The following IGSF11 variants were observed in gnomAD, a reference collection of about 807,000 sequenced individuals.
IGSF11 encodes the protein immunoglobulin superfamily member 11.
A neutral mutation model predicts 41.0 loss-of-function variants in IGSF11; 22 were observed. The observed-to-expected ratio is 0.54, with a 90% CI of 0.38 to 0.77. The LOEUF (loss-of-function observed/expected upper bound fraction) is 0.77, where lower values mean the gene tolerates loss of function less well. Ranked by LOEUF, IGSF11 falls within the 30% of genes least tolerant of loss-of-function variation. The pLI is 0.00. For missense variants in IGSF11, 444 were observed against 530.8 expected, an observed-to-expected ratio of 0.84 and a Z score of 1.61; for synonymous variants, 219 against 201.3, an observed-to-expected ratio of 1.09 and a Z score of -0.74.
chr3:118,910,554 C>A (rs763209962), intron 4 of IGSF11, among the ~76,000 whole-genome samples: 10 of 152,190 alleles, frequency 6.6e-5, no homozygotes, highest in Non-Finnish European at 1.2e-4. Flanking sequence ...AATCTTTCAG[C>A]CTGATTACTG....
At chr3:119,054,520 C>T (rs1389937239) in intron 1 of IGSF11, among the ~76,000 whole-genome samples, 6 of 151,964 alleles carry the variant, frequency 3.9e-5, no homozygotes, top group Non-Finnish European at 7.4e-5. Flanking sequence ...TAATTGAAAA[C>T]TAAAAAATAA....
chr3:119,059,362 T>C lies in IGSF11; in HGVS notation c.49+45782A>G, dbSNP rs188833357. 1.5e-3 allele frequency among the ~76,000 whole-genome samples: 221 copies of C among 152,104 alleles called. 1 individual carries two copies. The highest frequency in any genetic ancestry group is 5.1e-3 in the African/African-American group (213 of 41,480). ...TCATTTATATGTGGGAGCTAAGACA[T>C]GAGGACACAAAGGCGTAAGAATGAT... On this transcript the variant is annotated intron_variant, in intron 1 of 6. Coordinates refer to the IGSF11 transcript ENST00000354673.
At chr3:119,134,944 C>T (rs2077539322) in intron 1 of IGSF11, among the ~76,000 whole-genome samples, 1 of 152,084 alleles carries the variant, frequency 6.6e-6, no homozygotes, top group Admixed American at 6.6e-5. Flanking sequence ...ACAAACCTAA[C>T]AAAAACAAGA....
chr3:119,062,967 A>G (rs1207828443), intron 1 of IGSF11, among the ~76,000 whole-genome samples: 1 of 152,186 alleles, frequency 6.6e-6, no homozygotes, highest in Admixed American at 6.5e-5. Context: ...AGGACTAAAC[A>G]TAGGACAGGA....
chr3:119,103,288 C>A (rs895464369), intron 1 of IGSF11, among the ~76,000 whole-genome samples: 2 of 152,148 alleles, frequency 1.3e-5, no homozygotes, highest in Non-Finnish European at 1.5e-5. Flanking sequence ...TGAGCCGCCG[C>A]GCCCGGCCCA....
At chr3:118,933,420 T>C (rs1245573604) in intron 1 of IGSF11, among the ~76,000 whole-genome samples, 1 of 151,056 alleles carries the variant, frequency 6.6e-6, no homozygotes, top group East Asian at 1.9e-4. Context: ...TAGGTCACAC[T>C]GACTACACCA....
At chr3:119,089,591 G>A (rs773709371) in intron 1 of IGSF11, among the ~76,000 whole-genome samples, 1 of 152,052 alleles carries the variant, frequency 6.6e-6, no homozygotes, top group African/African-American at 2.4e-5. Context: ...CAATCAAACA[G>A]GAGAAAGAAA....
chr3:119,014,496 CAG>C (rs1303224530), intron 1 of IGSF11, among the ~76,000 whole-genome samples: 1 of 152,118 alleles, frequency 6.6e-6, no homozygotes, highest in East Asian at 1.9e-4. Context: ...GATGGAAAGA[CAG>C]AGACAGAAAG....
chr3:119,087,441 C>A lies in IGSF11; in HGVS notation c.49+17703G>T, dbSNP rs941361419. 1.1e-4 allele frequency among the ~76,000 whole-genome samples: 17 copies of A among 150,712 alleles called. No homozygotes were observed. In the East Asian group the frequency reaches 3.3e-3, roughly 29 times the overall value. On this transcript the variant is annotated intron_variant, in intron 1 of 6. Coordinates refer to the IGSF11 transcript ENST00000354673. ...ACACACACCATAGAATACTACTAAC[C>A]CATAAAAAGGAATGAAATAATGACA... is the stretch of plus-strand genomic sequence containing the variant.
chr3:119,072,631 G>T (rs1238492659), intron 1 of IGSF11, among the ~76,000 whole-genome samples: 2 of 152,164 alleles, frequency 1.3e-5, no homozygotes, highest in African/African-American at 4.8e-5. Context: ...CAGCTCTTAA[G>T]GCAGTGCGTC....
upstream of IGSF11, among the ~76,000 whole-genome samples, chr3:119,109,840 G>A (rs148438202): frequency 0.017 from 2,601 of 152,008 alleles, 68 homozygotes; most frequent in African/African-American, 0.06. Flanking sequence ...CCTTCCCTTC[G>A]TTATGTACCC....
Position 118,902,658 on chromosome 3 carries a change from G to A in IGSF11, c.1158C>T (p.Ser386=). 6.2e-7 allele frequency: 1 copy of A among 1,614,084 alleles called. No homozygotes were observed. Among genetic ancestry groups the A allele is most frequent in the Non-Finnish European group, 8.5e-7 (1 of 1,179,986 alleles). ...ANRGSSPQVM[S]RSNGSVSRKP... Reference sequence around the variant, plus strand: ...TCCTACTGACTGAGCCATTGCTCCTGGACATCACCTGTGGTGATGACCCTC... The same window carrying A: ...TCCTACTGACTGAGCCATTGCTCCTAGACATCACCTGTGGTGATGACCCTC... The change falls in exon 7 of 7, where the codon TCC becomes TCT. Residue 386 remains serine, a synonymous_variant. Coordinates refer to ENST00000393775, the MANE Select transcript of IGSF11 (RefSeq NM_001015887.3).
chr3:119,111,582 C>A (rs1356587659), intron 1 of IGSF11, among the ~76,000 whole-genome samples: 8 of 152,234 alleles, frequency 5.3e-5, no homozygotes, highest in Non-Finnish European at 1.5e-5. Flanking sequence ...AAGCCTTCTT[C>A]TCTCAACTCG....
chr3:118,906,622 G>A (rs193217325), intron 4 of IGSF11, among the ~76,000 whole-genome samples: 40 of 152,178 alleles, frequency 2.6e-4, no homozygotes, highest in Non-Finnish European at 4.7e-4. Context: ...CACATCAGGA[G>A]TTTGAACAAC....
At chr3:119,117,243 T>G (rs2077270562) in intron 1 of IGSF11, among the ~76,000 whole-genome samples, 6 of 151,464 alleles carry the variant, frequency 4.0e-5, no homozygotes, top group Admixed American at 3.9e-4. Context: ...GGGAGGGGGT[T>G]GTATTAGTCT....
intron 1 of IGSF11, among the ~76,000 whole-genome samples, chr3:119,083,975 A>G (rs2076629594): frequency 6.6e-6 from 1 of 152,192 alleles, no homozygotes; most frequent in Non-Finnish European, 1.5e-5. Flanking sequence ...TTATTGCCCA[A>G]GGACCTTCCA....
intron 1 of IGSF11, among the ~76,000 whole-genome samples, chr3:119,064,512 T>C (rs1033700626): frequency 1.7e-5 from 1 of 59,626 alleles, no homozygotes; most frequent in Non-Finnish European, 3.6e-5. Context: ...TTGGCTGCTC[T>C]TTTTTTTTTT....
intron 1 of IGSF11, among the ~76,000 whole-genome samples, chr3:118,936,209 G>C (rs571307299): frequency 6.6e-6 from 1 of 152,054 alleles, no homozygotes; most frequent in East Asian, 1.9e-4. Flanking sequence ...TAAATATTAG[G>C]TTAAAAATCC....
In IGSF11 at chr3:118,903,784, T is replaced by G. The variant is rs554725894; in HGVS notation, c.855-823A>C. Among the ~76,000 whole-genome samples, 3 of 152,284 alleles carry G rather than the reference T, an allele frequency of 2.0e-5. No individual in the cohort carries two copies. In the South Asian group the frequency reaches 6.2e-4, roughly 32 times the overall value. On this transcript the variant is annotated intron_variant, in intron 6 of 6. Coordinates refer to ENST00000393775, the MANE Select transcript of IGSF11 (RefSeq NM_001015887.3). ...TATAGTCAATGAGGGTAGTAATCAGTGCAAGAATGTTTACGAGTCTGAAAG... is the reference window on the plus strand; with the variant it reads ...TATAGTCAATGAGGGTAGTAATCAGGGCAAGAATGTTTACGAGTCTGAAAG...
Sources: gnomAD v4.1 joint callset for allele counts (sites outside exome capture counted in the v4.1 genomes callset) on GRCh38, gnomAD v4.1.1 for gene constraint, MANE v1.5 for transcripts, NCBI Gene and HGNC (gene_info 2026-07-23, HGNC 2026-07-21) for gene names.